The following GSE1 variants were observed in gnomAD, a reference collection of about 807,000 sequenced individuals.
GSE1 encodes Gse1 coiled-coil protein.
In GSE1, 32 loss-of-function variants were observed where a neutral mutation model predicts 112.6. The ratio of observed to expected loss-of-function variants is 0.28; its 90% CI spans 0.21 to 0.38. The LOEUF (loss-of-function observed/expected upper bound fraction) is 0.38, where lower values mean the gene tolerates loss of function less well. Ranked by LOEUF, GSE1 falls within the 10% of genes least tolerant of loss-of-function variation. The probability of loss-of-function intolerance (pLI) is 1.00; values close to 1 mark genes in which losing one functional copy is unlikely to be tolerated. For missense variants in GSE1, 2,348 were observed against 1,699.2 expected (o/e 1.38, Z -6.71); for synonymous variants, 1,115 against 735.6 (o/e 1.52, Z -8.35).
chr16:85,425,111 G>C (rs1027204844), intron 2 of GSE1, among the ~76,000 whole-genome samples: 8 of 152,254 alleles, frequency 5.3e-5, no homozygotes, highest in African/African-American at 1.9e-4. Flanking sequence ...TGGGCGCCCT[G>C]GGGCGGGGGG....
chr16:85,214,696 C>G (rs887987801), intron 1 of GSE1, among the ~76,000 whole-genome samples: 1 of 152,220 alleles, frequency 6.6e-6, no homozygotes, highest in African/African-American at 2.4e-5. Context: ...GTGGCCCCGC[C>G]CGGTCCCCTC....
At chr16:85,422,604 A>C (rs1597709284) in intron 2 of GSE1, among the ~76,000 whole-genome samples, 1 of 150,164 alleles carries the variant, frequency 6.7e-6, no homozygotes, top group Admixed American at 6.6e-5. Flanking sequence ...AAAAGCAGAC[A>C]GTAGGAGAGA....
At chr16:85,304,178 G>A (rs2045602079) in intron 1 of GSE1, among the ~76,000 whole-genome samples, 1 of 152,206 alleles carries the variant, frequency 6.6e-6, no homozygotes, top group South Asian at 2.1e-4. Context: ...GAGCAAACGG[G>A]CCCCAGAGAC....
At chr16:85,257,078 C>A (rs764509260) in intron 1 of GSE1, among the ~76,000 whole-genome samples, 2 of 152,142 alleles carry the variant, frequency 1.3e-5, no homozygotes, top group Non-Finnish European at 2.9e-5. Context: ...GTGGATTATA[C>A]TTGCTGTATT....
chr16:85,213,404 C>T (rs1366742597), intron 1 of GSE1, among the ~76,000 whole-genome samples: 2 of 152,088 alleles, frequency 1.3e-5, no homozygotes, highest in African/African-American at 4.8e-5. Context: ...AGTGAGCTAT[C>T]ATCGTGCCAC....
intron 3 of GSE1, among the ~76,000 whole-genome samples, chr16:85,649,558 G>A (rs898093886): frequency 6.6e-6 from 1 of 152,164 alleles, no homozygotes; most frequent in African/African-American, 2.4e-5. Context: ...TGTGTGGAAG[G>A]AGCTGGCACT....
chr16:85,474,601 C>T (rs982833324), intron 2 of GSE1, among the ~76,000 whole-genome samples: 18 of 151,868 alleles, frequency 1.2e-4, no homozygotes, highest in Admixed American at 3.3e-4. Flanking sequence ...CACCCTGTCT[C>T]CTCCCCCAGT....
chr16:85,225,627 A>G (rs1480757327), intron 1 of GSE1, among the ~76,000 whole-genome samples: 1 of 152,204 alleles, frequency 6.6e-6, no homozygotes, highest in Admixed American at 6.5e-5. Flanking sequence ...GTGGAGCCCC[A>G]CAAGGATACA....
chr16:85,659,175 G>C (rs2052220119), intron 8 of GSE1, among the ~76,000 whole-genome samples: 2 of 152,204 alleles, frequency 1.3e-5, no homozygotes, highest in Admixed American at 1.3e-4. Flanking sequence ...TTGTCCCTTG[G>C]CCTGGAGTCT....
chr16:85,400,637 G>A (rs200926390), intron 2 of GSE1, among the ~76,000 whole-genome samples: 1 of 140,344 alleles, frequency 7.1e-6, no homozygotes, highest in African/African-American at 2.6e-5. Context: ...GTGTCTGTGT[G>A]TTGTGTGTGT....
intron 2 of GSE1, among the ~76,000 whole-genome samples, chr16:85,466,739 G>A (rs979979365): frequency 6.6e-6 from 1 of 151,848 alleles, no homozygotes; most frequent in Non-Finnish European, 1.5e-5. Context: ...GAGGGAGAGC[G>A]CACAAGAGAG....
intron 12 of GSE1, 75 bp downstream of exon 12, chr16:85,665,203 CGA>C (rs1555570783): frequency 1.2e-6 from 1 of 808,276 alleles, no homozygotes; most frequent in Non-Finnish European, 2.1e-6. Flanking sequence ...GGCGACCACT[CGA>C]GGTCTTCATC....
intron 2 of GSE1, among the ~76,000 whole-genome samples, chr16:85,527,347 G>A (rs545553864): frequency 6.8e-4 from 104 of 152,374 alleles, no homozygotes; most frequent in African/African-American, 1.8e-3. Flanking sequence ...GAGGGAAGCC[G>A]AAAGGACCAT....
chr16:85,328,183 G>C (rs1471873986), intron 1 of GSE1, among the ~76,000 whole-genome samples: 1 of 152,244 alleles, frequency 6.6e-6, no homozygotes, highest in African/African-American at 2.4e-5. Context: ...ACATACGACA[G>C]CAGAGTTGGG....
At position 85,311,827 on chromosome 16, in the gene GSE1, A is replaced by G. The variant is rs191394748; in HGVS notation, c.2284-45636A>G. ...CCTGGTGATGGGGACCCACTGTCTG[A>G]CCTGTGGCCCCAGCCGCGAGTCCTT... On this transcript the variant is annotated intron_variant, in intron 1 of 2. Transcript: ENST00000637419. The surrounding 1 kb of genome is among the most constrained non-coding windows in gnomAD (Gnocchi z 4.2). 9.2e-4 allele frequency among the ~76,000 whole-genome samples: 140 copies of G among 152,160 alleles called. No homozygotes were observed. Among genetic ancestry groups the G allele is most frequent in the African/African-American group, 3.3e-3 (135 of 41,514 alleles).
chr16:85,294,677 C>G (rs547924356), intron 1 of GSE1, among the ~76,000 whole-genome samples: 19 of 143,354 alleles, frequency 1.3e-4, no homozygotes, highest in South Asian at 2.3e-4. Context: ...CTCTCCCCCC[C>G]CTTCCCTCCC....
rs1003687929 is a variant in GSE1, at chr16:85,617,606, C to G, written c.7+4208C>G. On this transcript the variant is annotated intron_variant, in intron 1 of 15. Coordinates refer to ENST00000253458, the MANE Select transcript of GSE1 (RefSeq NM_014615.5). ...TCCGTGTGTCAACCCTCCCCCCCCC[C>G]CCCCCGTTAACTGCCACGTGCAGCC... is the stretch of plus-strand genomic sequence containing the variant. Among the ~76,000 whole-genome samples the G allele has an allele frequency of 6.4e-4, 69 of 107,476 alleles. 6 individuals are homozygous for G. Among genetic ancestry groups the G allele is most frequent in the East Asian group, 1.5e-3 (6 of 3,980 alleles). 70.5% of individuals were successfully genotyped at this position (107,476 alleles called of 152,430 possible). A position where few individuals can be genotyped will look rare whatever the true frequency, so the allele number is the denominator to read the frequency against.
At chr16:85,456,641 G>GTGT (rs1567502079) in intron 2 of GSE1, among the ~76,000 whole-genome samples, 30 of 94,110 alleles carry the variant, frequency 3.2e-4, no homozygotes, top group African/African-American at 3.8e-4. Flanking sequence ...TGTGTGTGTG[G>GTGT]TCTGCCATTT....
intron 1 of GSE1, among the ~76,000 whole-genome samples, chr16:85,355,881 G>T (rs1017742725): frequency 6.6e-6 from 1 of 152,010 alleles, no homozygotes; most frequent in Admixed American, 6.6e-5. Context: ...AACAAAATGA[G>T]CCGGGCATGG....
Sources: gnomAD v4.1 joint callset for allele counts (sites outside exome capture counted in the v4.1 genomes callset) on GRCh38, gnomAD v4.1.1 for gene constraint, Gnocchi (gnomAD v3.1) non-coding constraint, MANE v1.5 for transcripts, NCBI Gene and HGNC (gene_info 2026-07-23, HGNC 2026-07-21) for gene names.